ITGA6: variants seen among roughly 807,000 people sequenced by gnomAD.
ITGA6 encodes integrin subunit alpha 6.
In ITGA6, 63 loss-of-function variants were observed where a neutral mutation model predicts 133.6. The ratio of observed to expected loss-of-function variants is 0.47; its 90% CI spans 0.38 to 0.58. The LOEUF (loss-of-function observed/expected upper bound fraction) is 0.58, where lower values mean the gene tolerates loss of function less well. ITGA6 is among the 20% of genes least tolerant of loss of function. The probability of loss-of-function intolerance (pLI) is 0.00; values close to 1 mark genes in which losing one functional copy is unlikely to be tolerated. For missense variants in ITGA6, 1,068 were observed against 1,309.4 expected (o/e 0.82, Z 2.85); for synonymous variants, 434 against 482.0 (o/e 0.90, Z 1.30).
chr2:172,453,217 A>T (rs1017612352), intron 1 of ITGA6, among the ~76,000 whole-genome samples: 2 of 148,604 alleles, frequency 1.3e-5, no homozygotes, highest in East Asian at 2.0e-4. Flanking sequence ...CTGTTACACA[A>T]TTTTTTTTTT....
At chr2:172,494,972 G>C (rs1286954865) in intron 23 of ITGA6, among the ~76,000 whole-genome samples, 1 of 152,130 alleles carries the variant, frequency 6.6e-6, no homozygotes, top group Non-Finnish European at 1.5e-5. Context: ...AAAATTCAGA[G>C]AACAACTTAA....
intron 13 of ITGA6, among the ~76,000 whole-genome samples, chr2:172,486,591 A>G (rs1294929849): frequency 6.6e-6 from 1 of 152,212 alleles, no homozygotes; most frequent in African/African-American, 2.4e-5. Context: ...TAAATGAGTT[A>G]AGATATGTAA....
chr2:172,434,311 G>T (rs566483984), intron 1 of ITGA6, among the ~76,000 whole-genome samples: 161 of 152,276 alleles, frequency 1.1e-3, no homozygotes, highest in Non-Finnish European at 2.0e-3. Flanking sequence ...AACTGGGGCA[G>T]GTAGATGGGC....
At position 172,491,386 on chromosome 2, in the gene ITGA6, A is replaced by G. The variant is rs757835122; in HGVS notation, c.2890-39A>G. 1 of 1,578,342 alleles carries G rather than the reference A, an allele frequency of 6.3e-7. No homozygotes were observed. Among genetic ancestry groups the G allele is most frequent in the South Asian group, 1.1e-5 (1 of 90,322 alleles). ...GAAGTAATTTGCCTTTGCCTAGGAC[A>G]CTTTTCACTTCCCTAATGCATTCAC... On this transcript the variant is annotated intron_variant, in intron 22 of 25. Transcript: ENST00000684293. The surrounding 1 kb of genome is among the most constrained non-coding windows in gnomAD (Gnocchi z 4.4).
chr2:172,428,073 C>A (rs902716774), intron 1 of ITGA6, 103 bp downstream of exon 1: 2 of 1,227,122 alleles, frequency 1.6e-6, no homozygotes, highest in Non-Finnish European at 2.1e-6. Flanking sequence ...GTAGTTGGCC[C>A]GTGGGTCGCG....
intron 1 of ITGA6, among the ~76,000 whole-genome samples, chr2:172,451,478 AG>A (rs1293624859): frequency 6.7e-6 from 1 of 148,590 alleles, no homozygotes; most frequent in Non-Finnish European, 1.5e-5. Context: ...AAAAAAAAAA[AG>A]GGAATGCTTA....
chr2:172,454,140 G>T (rs1263252220), intron 1 of ITGA6, among the ~76,000 whole-genome samples: 10 of 151,162 alleles, frequency 6.6e-5, no homozygotes, highest in Admixed American at 6.6e-4. Context: ...CTGGAGTGCG[G>T]TGGTGCCATC....
chr2:172,460,534 T>C (rs1685389390), intron 1 of ITGA6, among the ~76,000 whole-genome samples: 1 of 152,198 alleles, frequency 6.6e-6, no homozygotes, highest in Admixed American at 6.5e-5. Context: ...AGCTGATAAA[T>C]CAATACATAT....
intron 1 of ITGA6, among the ~76,000 whole-genome samples, chr2:172,433,687 G>GTGCT (rs1020147736): frequency 6.6e-6 from 1 of 152,180 alleles, no homozygotes; most frequent in Non-Finnish European, 1.5e-5. Flanking sequence ...TGCTGTGTAT[G>GTGCT]TGCTTTCTCC....
rs748403545 is a variant in ITGA6 at position 172,471,005 on chromosome 2, T to G, written c.675T>G (p.Thr225=). 26 of 1,613,224 alleles carry G rather than the reference T, an allele frequency of 1.6e-5. No individual in the cohort carries two copies. Among genetic ancestry groups the G allele is most frequent in the Non-Finnish European group, 2.0e-5 (23 of 1,179,270 alleles). Residue 225 remains threonine (T), a synonymous_variant, in exon 5 of 26, where the codon ACT becomes ACG. Coordinates refer to ENST00000684293, the MANE Select transcript of ITGA6 (RefSeq NM_000210.4). ...GIVRVEQKNN[T]FFDMNIFEDG... ...TTCGTGTAGAGCAAAAGAATAACAC[T>G]TTTTTTGACATGAACATCTTTGAAG...
intron 5 of ITGA6, 78 bp downstream of exon 5, chr2:172,471,183 C>A: frequency 6.4e-7 from 1 of 1,552,218 alleles, no homozygotes; most frequent in Non-Finnish European, 8.9e-7. Flanking sequence ...GGGCCTATGG[C>A]CCCTGGACTT....
chr2:172,438,429 A>G (rs1474011293), intron 1 of ITGA6, among the ~76,000 whole-genome samples: 1 of 151,820 alleles, frequency 6.6e-6, no homozygotes, highest in African/African-American at 2.4e-5. Context: ...AGTGAATAAT[A>G]ATAAGTCATT....
chr2:172,432,934 A>G lies in ITGA6; in HGVS notation c.182+4964A>G, dbSNP rs541949550. Among the ~76,000 whole-genome samples, 5 of 152,306 alleles carry G rather than the reference A, an allele frequency of 3.3e-5. No individual in the cohort carries two copies. The East Asian group carries it at 9.6e-4, about 29-fold the overall frequency. ...AAGTCACTTGTGAATTGATAGCGGC[A>G]GGTTTATTTCTTCAAGGATAGTAAG... On this transcript the variant is annotated intron_variant, in intron 1 of 25. Transcript: ENST00000684293.
At chr2:172,461,598 G>C (rs1685429015) in intron 1 of ITGA6, among the ~76,000 whole-genome samples, 1 of 152,210 alleles carries the variant, frequency 6.6e-6, no homozygotes, top group Non-Finnish European at 1.5e-5. Flanking sequence ...TCAGTAATGA[G>C]TGCTGCAGCT....
intron 1 of ITGA6, among the ~76,000 whole-genome samples, chr2:172,450,902 TTTATA>T (rs987421016): frequency 4.5e-4 from 66 of 146,998 alleles, no homozygotes; most frequent in African/African-American, 1.4e-3. Context: ...CAAATATATA[TTTATA>T]TTATATATAA....
intron 8 of ITGA6, 130 bp from the exon 9 acceptor site, chr2:172,476,265 A>T: frequency 1.4e-6 from 1 of 720,002 alleles, no homozygotes; most frequent in Non-Finnish European, 2.6e-6. Flanking sequence ...TGACTTGTAT[A>T]TAATATAATT....
chr2:172,432,211 AAT>A (rs1165012430), intron 1 of ITGA6, among the ~76,000 whole-genome samples: 2 of 152,214 alleles, frequency 1.3e-5, no homozygotes, highest in Non-Finnish European at 2.9e-5. Flanking sequence ...CCATTTTAAG[AAT>A]ATAATCATAG....
chr2:172,474,929 G>A lies in ITGA6; in HGVS notation c.987G>A (p.Gly329=), dbSNP rs746579016. ...DVAVVDLNKD[G]WQDIVIGAPQ... is the part of the protein sequence containing the mutation. ...CTCTTTCCCCTCATTATGTTTTTAG[G>A]TGGCAAGATATAGTTATTGGAGCCC... is the stretch of plus-strand genomic sequence containing the variant. Residue 329 remains glycine, a splice_region_variant and synonymous_variant, in exon 7 of 26, where the codon GGG becomes GGA. Transcript: ENST00000684293. The A allele has an allele frequency of 4.0e-6, 6 of 1,507,288 alleles. No homozygotes were observed. Among genetic ancestry groups the A allele is most frequent in the Non-Finnish European group, 5.5e-6 (6 of 1,082,810 alleles). The allele number at this position is 1,507,288 out of a possible 1,614,324, so 93.4% of individuals were successfully genotyped here.
intron 24 of ITGA6, among the ~76,000 whole-genome samples, chr2:172,500,699 C>T (rs779708666): frequency 2.0e-4 from 30 of 152,258 alleles, no homozygotes; most frequent in Admixed American, 4.6e-4. Flanking sequence ...TATTCTTCTT[C>T]CCACCCTATT....
Sources: allele counts gnomAD v4.1 joint callset (sites outside exome capture counted in the v4.1 genomes callset), GRCh38; gene constraint gnomAD v4.1.1; non-coding constraint Gnocchi (gnomAD v3.1); transcripts MANE v1.5; gene names NCBI Gene and HGNC (gene_info 2026-07-23, HGNC 2026-07-21).